Variants in PPA2 observed in about 807,000 individuals in gnomAD.
PPA2 encodes the protein inorganic pyrophosphatase 2, mitochondrial.
In PPA2, 48 loss-of-function variants were observed where a neutral mutation model predicts 49.5. That is an observed-to-expected ratio of 0.97 (90% CI 0.77 to 1.23). The LOEUF (loss-of-function observed/expected upper bound fraction) is 1.23. PPA2 is among the 50% of genes most tolerant of loss of function. PPA2 has a pLI of 0.00. For missense variants in PPA2, 429 were observed against 410.1 expected (o/e 1.05, Z -0.40); for synonymous variants, 131 against 139.9 (o/e 0.94, Z 0.45).
chr4:105,424,943 A>G (rs1723424825), intron 6 of PPA2, among the ~76,000 whole-genome samples: 1 of 152,238 alleles, frequency 6.6e-6, no homozygotes, highest in Non-Finnish European at 1.5e-5. Flanking sequence ...GACCTATAAA[A>G]TGAGTTCCAA....
At chr4:105,459,524 T>C (rs1158213633) in intron 1 of PPA2, among the ~76,000 whole-genome samples, 1 of 152,222 alleles carries the variant, frequency 6.6e-6, no homozygotes, top group Non-Finnish European at 1.5e-5. Flanking sequence ...TCTTGTAAAG[T>C]TAAACATACA....
intron 6 of PPA2, among the ~76,000 whole-genome samples, chr4:105,433,064 T>TAGTA (rs1723885334): frequency 6.6e-6 from 1 of 152,232 alleles, no homozygotes; most frequent in South Asian, 2.1e-4. Context: ...TACTTTACTA[T>TAGTA]AAGCATCAGT....
intron 6 of PPA2, among the ~76,000 whole-genome samples, chr4:105,427,299 G>C (rs1177199064): frequency 6.6e-6 from 1 of 152,104 alleles, no homozygotes; most frequent in African/African-American, 2.4e-5. Context: ...TCTCCTCAAA[G>C]GATTGCAGCT....
At chr4:105,371,539 T>C (rs1733027463) in intron 10 of PPA2, among the ~76,000 whole-genome samples, 1 of 152,106 alleles carries the variant, frequency 6.6e-6, no homozygotes, top group Non-Finnish European at 1.5e-5. Flanking sequence ...CCTCCCCAAC[T>C]ATGACCCCTT....
At chr4:105,394,387 A>AAG (rs1553924716) in intron 9 of PPA2, among the ~76,000 whole-genome samples, 5 of 123,718 alleles carry the variant, frequency 4.0e-5, no homozygotes, top group African/African-American at 1.2e-4. Context: ...AAAAAAAAAA[A>AAG]AAAGAAAGAA....
intron 9 of PPA2, among the ~76,000 whole-genome samples, chr4:105,392,031 T>C (rs1055034109): frequency 3.9e-5 from 6 of 152,050 alleles, no homozygotes; most frequent in Non-Finnish European, 8.8e-5. Flanking sequence ...AAATAATGAT[T>C]AATAAAATAA....
intron 10 of PPA2, among the ~76,000 whole-genome samples, chr4:105,372,379 AG>A (rs1733062891): frequency 1.3e-5 from 2 of 152,356 alleles, no homozygotes; most frequent in African/African-American, 4.8e-5. Flanking sequence ...CTTAAATCTA[AG>A]GGCAGTACTG....
At chr4:105,389,560 C>T (rs1016872258) in intron 9 of PPA2, among the ~76,000 whole-genome samples, 3 of 151,128 alleles carry the variant, frequency 2.0e-5, no homozygotes, top group African/African-American at 7.3e-5. Context: ...ACCTTGTTGA[C>T]CAAAACAAGC....
intron 5 of PPA2, 151 bp from the exon 6 acceptor site, chr4:105,438,187 A>C (rs1724157120): frequency 6.7e-6 from 4 of 597,988 alleles, no homozygotes. Context: ...ACAGGCCAGT[A>C]TGTCCCTAAG....
intron 10 of PPA2, among the ~76,000 whole-genome samples, chr4:105,373,845 G>A (rs1183433280): frequency 6.6e-6 from 1 of 150,708 alleles, no homozygotes; most frequent in Non-Finnish European, 1.5e-5. Context: ...AAGTTTGAAG[G>A]TAATTTAAAA....
intron 8 of PPA2, chr4:105,398,257 A>G (rs1560612097): frequency 6.6e-6 from 1 of 152,020 alleles, no homozygotes; most frequent in Non-Finnish European, 1.5e-5. Context: ...CTAAAATAAT[A>G]ATTTTATATT....
intron 5 of PPA2, among the ~76,000 whole-genome samples, chr4:105,440,354 T>C (rs1724294063): frequency 6.6e-6 from 1 of 151,904 alleles, no homozygotes; most frequent in East Asian, 1.9e-4. Context: ...CTCCGCCTCC[T>C]GGGTTCAAGC....
In PPA2 at chr4:105,420,805, G is replaced by A. The variant is rs17035577; in HGVS notation, c.655+3391C>T. 2.3e-3 allele frequency among the ~76,000 whole-genome samples: 349 copies of A among 152,228 alleles called. 2 individuals carry two copies. The highest frequency in any genetic ancestry group is 0.014 in the East Asian group (74 of 5,168). ...CTAACCAAGCATTGAAAAGAAACCC[G>A]CAGGTGATAGCTATGCAGGAGGTTC... On this transcript the variant is annotated intron_variant, in intron 7 of 11. Coordinates refer to ENST00000341695, the MANE Select transcript of PPA2 (RefSeq NM_176869.3).
intron 5 of PPA2, among the ~76,000 whole-genome samples, chr4:105,441,215 G>C (rs1724345265): frequency 6.6e-6 from 1 of 152,104 alleles, no homozygotes; most frequent in Non-Finnish European, 1.5e-5. Context: ...AATGACAAAA[G>C]ATTAGCTTCC....
At chr4:105,369,775 A>G (rs773559622) in intron 11 of PPA2, 22 bp from the exon 12 acceptor site, 3 of 1,566,518 alleles carry the variant, frequency 1.9e-6, no homozygotes, top group Admixed American at 1.7e-5. Flanking sequence ...ATGGGGAAAG[A>G]GGGTATTAGG....
intron 10 of PPA2, among the ~76,000 whole-genome samples, chr4:105,378,115 A>T (rs1733332198): frequency 6.6e-6 from 1 of 152,194 alleles, no homozygotes; most frequent in African/African-American, 2.4e-5. Context: ...TTTTCAAGAA[A>T]ATACCAAAAT....
chr4:105,455,834 C>T (rs1278068608), intron 2 of PPA2, among the ~76,000 whole-genome samples: 1 of 152,110 alleles, frequency 6.6e-6, no homozygotes, highest in Non-Finnish European at 1.5e-5. Flanking sequence ...ACCCCACATC[C>T]TAGAAAACCC....
At chr4:105,398,415 T>A (rs1049873862) in intron 8 of PPA2, 1 of 152,180 alleles carries the variant, frequency 6.6e-6, no homozygotes, top group Admixed American at 6.6e-5. Flanking sequence ...CTTATTTCAC[T>A]TATAAAACAT....
intron 1 of PPA2, among the ~76,000 whole-genome samples, chr4:105,473,168 G>C (rs1302053428): frequency 6.6e-6 from 1 of 152,156 alleles, no homozygotes; most frequent in African/African-American, 2.4e-5. Context: ...GGGGTACACG[G>C]AACAATGAGT....
Sources: gnomAD v4.1 joint callset for allele counts (sites outside exome capture counted in the v4.1 genomes callset) on GRCh38, gnomAD v4.1.1 for gene constraint, MANE v1.5 for transcripts, NCBI Gene and HGNC (gene_info 2026-07-23, HGNC 2026-07-21) for gene names.